PTPRD: variants seen among roughly 807,000 people sequenced by gnomAD.
PTPRD encodes the protein protein tyrosine phosphatase receptor type D, also known as receptor-type tyrosine-protein phosphatase delta.
Under a neutral mutation model 214.5 loss-of-function variants are expected in PTPRD, and 34 were observed. The ratio of observed to expected loss-of-function variants is 0.16; its 90% confidence interval spans 0.12 to 0.21. The LOEUF is 0.21. Ranked by LOEUF, PTPRD falls within the 10% of genes least tolerant of loss-of-function variation. The probability of loss-of-function intolerance (pLI) is 1.00; values close to 1 mark genes in which losing one functional copy is unlikely to be tolerated. For missense variants in PTPRD, 2,545 were observed against 2,398.7 expected, an observed-to-expected ratio of 1.06 and a Z score of -1.27; for synonymous variants, 1,128 against 845.7, an observed-to-expected ratio of 1.33 and a Z score of -5.79.
chr9:8,592,433 G>A (rs1445135481), intron 14 of PTPRD, among the ~76,000 whole-genome samples: 1 of 152,168 alleles, frequency 6.6e-6, no homozygotes, highest in African/African-American at 2.4e-5. Flanking sequence ...GTGAGTAACT[G>A]CTTGCCACTG....
chr9:8,481,494 C>G (rs1354235186), intron 30 of PTPRD, among the ~76,000 whole-genome samples: 1 of 152,138 alleles, frequency 6.6e-6, no homozygotes, highest in East Asian at 1.9e-4. Context: ...CTGATTTTCT[C>G]AGCCATCTGC....
intron 3 of PTPRD, among the ~76,000 whole-genome samples, chr9:10,122,709 G>A (rs1323549349): frequency 6.6e-6 from 1 of 152,136 alleles, no homozygotes; most frequent in Non-Finnish European, 1.5e-5. Flanking sequence ...GCTCTAGTTT[G>A]CATATAGATA....
intron 11 of PTPRD, among the ~76,000 whole-genome samples, chr9:8,991,375 C>T (rs899731289): frequency 6.6e-6 from 1 of 152,088 alleles, no homozygotes; most frequent in African/African-American, 2.4e-5. Flanking sequence ...AGCTGTGACC[C>T]TTGTAATGGG....
At chr9:8,780,089 A>T (rs1392426232) in intron 11 of PTPRD, among the ~76,000 whole-genome samples, 1 of 151,900 alleles carries the variant, frequency 6.6e-6, no homozygotes, top group Non-Finnish European at 1.5e-5. Flanking sequence ...TCTGTAAAGG[A>T]TCTCCCTTCT....
chr9:9,953,298 A>G (rs2093617781), intron 4 of PTPRD, among the ~76,000 whole-genome samples: 1 of 152,182 alleles, frequency 6.6e-6, no homozygotes, highest in African/African-American at 2.4e-5. Context: ...AGGCATGAAC[A>G]GAACAAAAGA....
At chr9:9,816,316 T>C (rs538029588) in intron 5 of PTPRD, among the ~76,000 whole-genome samples, 1 of 152,064 alleles carries the variant, frequency 6.6e-6, no homozygotes, top group Non-Finnish European at 1.5e-5. Flanking sequence ...TAAAGACCTA[T>C]AATGTATATT....
At chr9:9,963,027 T>C (rs2094464618) in intron 4 of PTPRD, among the ~76,000 whole-genome samples, 1 of 152,000 alleles carries the variant, frequency 6.6e-6, no homozygotes. Context: ...GTAAAAGTAG[T>C]ATTTAAAGGT....
chr9:10,114,112 C>T (rs1209323732), intron 3 of PTPRD, among the ~76,000 whole-genome samples: 1 of 152,168 alleles, frequency 6.6e-6, no homozygotes, highest in Non-Finnish European at 1.5e-5. Flanking sequence ...ATGGAACATG[C>T]TGTGGAAATC....
At chr9:10,442,422 T>C (rs1271053176) in intron 2 of PTPRD, among the ~76,000 whole-genome samples, 1 of 151,612 alleles carries the variant, frequency 6.6e-6, no homozygotes, top group Non-Finnish European at 1.5e-5. Flanking sequence ...TACAGATAGT[T>C]TGACCTATAA....
chr9:8,955,262 G>A (rs142942734), intron 11 of PTPRD, among the ~76,000 whole-genome samples: 41 of 151,994 alleles, frequency 2.7e-4, no homozygotes, highest in African/African-American at 9.4e-4. Context: ...AGAAAGCCTT[G>A]AAAGTAAAGG....
chr9:8,855,449 A>T (rs945926549), intron 11 of PTPRD, among the ~76,000 whole-genome samples: 1 of 152,200 alleles, frequency 6.6e-6, no homozygotes, highest in Middle Eastern at 3.2e-3. Context: ...CCCAAGAAGA[A>T]TCTGTGTTAC....
chr9:9,115,851 T>C (rs543676581), intron 10 of PTPRD, among the ~76,000 whole-genome samples: 5 of 152,242 alleles, frequency 3.3e-5, no homozygotes, highest in African/African-American at 9.6e-5. Flanking sequence ...GGATTTGATA[T>C]AGAAAATGTA....
intron 43 of PTPRD, among the ~76,000 whole-genome samples, chr9:8,335,540 C>A (rs13291255): frequency 2.6e-5 from 4 of 151,922 alleles, no homozygotes; most frequent in Non-Finnish European, 4.4e-5. Flanking sequence ...ACTGTCATAA[C>A]GAATGGGCAA....
intron 9 of PTPRD, among the ~76,000 whole-genome samples, chr9:9,209,104 G>C (rs951956973): frequency 2.0e-5 from 3 of 152,000 alleles, no homozygotes; most frequent in African/African-American, 7.2e-5. Flanking sequence ...CACCGCGACC[G>C]GCTGACAATA....
At chr9:9,864,910 A>G (rs549095348) in intron 5 of PTPRD, among the ~76,000 whole-genome samples, 1 of 152,278 alleles carries the variant, frequency 6.6e-6, no homozygotes, top group Non-Finnish European at 1.5e-5. Flanking sequence ...TAAAAATTAT[A>G]TTTTAGGATA....
At chr9:9,341,542 A>G (rs1227193122) in intron 9 of PTPRD, among the ~76,000 whole-genome samples, 1 of 152,074 alleles carries the variant, frequency 6.6e-6, no homozygotes, top group African/African-American at 2.4e-5. Flanking sequence ...TGCCAATACT[A>G]GGATTTTGGA....
chr9:8,318,150 T>C (rs923896193), intron 45 of PTPRD, among the ~76,000 whole-genome samples: 17 of 151,934 alleles, frequency 1.1e-4, no homozygotes, highest in Admixed American at 8.5e-4. Context: ...GCCAATCAAT[T>C]TGACTAAAAC....
chr9:9,527,045 CTG>C (rs2074292787), intron 8 of PTPRD, among the ~76,000 whole-genome samples: 2 of 152,094 alleles, frequency 1.3e-5, no homozygotes, highest in African/African-American at 2.4e-5. Context: ...TTTAATGAGT[CTG>C]TTAAAACTCT....
intron 7 of PTPRD, among the ~76,000 whole-genome samples, chr9:9,677,423 T>C (rs1423547659): frequency 1.3e-5 from 2 of 152,082 alleles, no homozygotes; most frequent in South Asian, 4.1e-4. Flanking sequence ...CATATACAAA[T>C]CAATAAACGT....
Sources: allele counts gnomAD v4.1 joint callset (sites outside exome capture counted in the v4.1 genomes callset), GRCh38; gene constraint gnomAD v4.1.1; transcripts MANE v1.5; gene names NCBI Gene and HGNC (gene_info 2026-07-23, HGNC 2026-07-21).